Variants in RNF150 observed in about 807,000 individuals in gnomAD.
RNF150 encodes ring finger protein 150.
RNF150 carries 24 observed loss-of-function variants against 39.3 expected under a neutral mutation model. The ratio of observed to expected loss-of-function variants is 0.61; its 90% CI spans 0.44 to 0.86. The LOEUF is 0.86. Among genes scored for constraint, RNF150 ranks in the 40% least tolerant of loss-of-function variants. The probability of loss-of-function intolerance (pLI) is 0.00; values close to 1 mark genes in which losing one functional copy is unlikely to be tolerated. For missense variants in RNF150, 502 were observed against 587.8 expected, an observed-to-expected ratio of 0.85 and a Z score of 1.51; for synonymous variants, 255 against 227.3, an observed-to-expected ratio of 1.12 and a Z score of -1.10.
At chr4:141,177,369 G>A (rs1727831247) in intron 1 of RNF150, among the ~76,000 whole-genome samples, 1 of 152,172 alleles carries the variant, frequency 6.6e-6, no homozygotes, top group African/African-American at 2.4e-5. Flanking sequence ...GGGTTTGGCA[G>A]CGTGCCAGAA....
chr4:140,912,464 G>T (rs747825422), intron 5 of RNF150, among the ~76,000 whole-genome samples: 2 of 152,162 alleles, frequency 1.3e-5, no homozygotes, highest in Non-Finnish European at 2.9e-5. Flanking sequence ...TAGGGGAGGA[G>T]AACTCTGGAT....
At chr4:141,189,618 G>A (rs1728070563) in intron 1 of RNF150, among the ~76,000 whole-genome samples, 1 of 152,150 alleles carries the variant, frequency 6.6e-6, no homozygotes, top group African/African-American at 2.4e-5. Flanking sequence ...AATCTAGAGA[G>A]GCAGTCTGGC....
intron 6 of RNF150, among the ~76,000 whole-genome samples, chr4:140,871,794 T>C (rs1164511232): frequency 1.3e-5 from 2 of 152,230 alleles, no homozygotes; most frequent in Non-Finnish European, 1.5e-5. Flanking sequence ...CCTTGGTTTT[T>C]TCTAAATGGG....
At chr4:140,872,330 C>T (rs1271196928) in intron 6 of RNF150, among the ~76,000 whole-genome samples, 1 of 152,190 alleles carries the variant, frequency 6.6e-6, no homozygotes, top group Non-Finnish European at 1.5e-5. Flanking sequence ...TACAACCACT[C>T]TTTGATGTAG....
At chr4:141,161,145 A>C (rs933635205) in intron 1 of RNF150, among the ~76,000 whole-genome samples, 2 of 152,198 alleles carry the variant, frequency 1.3e-5, no homozygotes, top group African/African-American at 4.8e-5. Flanking sequence ...TGATATAGAC[A>C]TTAAAGTCCT....
At chr4:140,988,169 T>A (rs544071446) in intron 1 of RNF150, among the ~76,000 whole-genome samples, 1 of 152,300 alleles carries the variant, frequency 6.6e-6, no homozygotes, top group African/African-American at 2.4e-5. Flanking sequence ...GTAAATTAGT[T>A]CAGCCACTGT....
At chr4:140,961,138 C>A (rs184481439) in intron 2 of RNF150, among the ~76,000 whole-genome samples, 2 of 152,162 alleles carry the variant, frequency 1.3e-5, no homozygotes, top group Admixed American at 1.3e-4. Context: ...GGCACACCAG[C>A]CAAATCTTCT....
At chr4:141,010,693 T>C (rs1735043924) in intron 1 of RNF150, among the ~76,000 whole-genome samples, 1 of 151,996 alleles carries the variant, frequency 6.6e-6, no homozygotes, top group Non-Finnish European at 1.5e-5. Flanking sequence ...GCCCAGACCA[T>C]ACATCAAAGT....
At chr4:141,176,534 C>A (rs1332893941) in intron 1 of RNF150, among the ~76,000 whole-genome samples, 2 of 152,114 alleles carry the variant, frequency 1.3e-5, no homozygotes, top group African/African-American at 4.8e-5. Flanking sequence ...CAATAAAGCA[C>A]AAAGCAGGTA....
At chr4:141,145,458 G>T (rs1212309173) in intron 1 of RNF150, among the ~76,000 whole-genome samples, 9 of 152,168 alleles carry the variant, frequency 5.9e-5, no homozygotes, top group Admixed American at 5.2e-4. Flanking sequence ...GATCTCAACA[G>T]GCTCTATAAC....
At chr4:141,191,451 A>G (rs1172648903) in intron 1 of RNF150, among the ~76,000 whole-genome samples, 3 of 152,182 alleles carry the variant, frequency 2.0e-5, no homozygotes, top group Non-Finnish European at 4.4e-5. Flanking sequence ...GAAACTTTAA[A>G]TGATGCAATC....
chr4:141,209,836 T>C lies in RNF150; in HGVS notation c.-6+2958A>G, dbSNP rs72935043. On this transcript the variant is annotated intron_variant, in intron 1 of 7. Transcript: ENST00000420921. ...GCCTGGGCAATATAGCAAGACCCCATCCCTAAAAGACAAAAAAGAACCCTA... is the reference window on the plus strand; with the variant it reads ...GCCTGGGCAATATAGCAAGACCCCACCCCTAAAAGACAAAAAAGAACCCTA... Among the ~76,000 whole-genome samples, 809 of 152,106 alleles carry C rather than the reference T, an allele frequency of 5.3e-3. 11 individuals are homozygous for C. The highest frequency in any genetic ancestry group is 0.018 in the African/African-American group (740 of 41,466).
In RNF150 at chr4:140,861,251, A is replaced by C. The variant is rs1472009704; in HGVS notation, c.*7010T>G. The C allele has an allele frequency of 1.3e-5, 2 of 152,216 alleles. No individual in the cohort carries two copies. The highest frequency in any genetic ancestry group is 2.9e-5 in the Non-Finnish European group (2 of 68,038). 9.4% of individuals were successfully genotyped at this position (152,216 alleles called of 1,614,324 possible). ...TAAAGTTGAGATAACTTACAAAAAC[A>C]AGCAGTCCCTTGCTTATAACTGCAC... is the stretch of plus-strand genomic sequence containing the variant. On this transcript the variant is annotated 3_prime_UTR_variant, in exon 7 of 7. Transcript: ENST00000515673.
chr4:140,960,875 A>C (rs1273847901), intron 2 of RNF150, among the ~76,000 whole-genome samples: 1 of 152,084 alleles, frequency 6.6e-6, no homozygotes, highest in Non-Finnish European at 1.5e-5. Context: ...TTATCCACTA[A>C]ACGTGACCCA....
At chr4:140,947,407 T>C (rs1732360716) in intron 4 of RNF150, among the ~76,000 whole-genome samples, 1 of 152,194 alleles carries the variant, frequency 6.6e-6, no homozygotes, top group African/African-American at 2.4e-5. Flanking sequence ...GAAGTCCTAG[T>C]TCATAGCAGT....
intron 6 of RNF150, among the ~76,000 whole-genome samples, chr4:140,888,303 G>A (rs1729647010): frequency 6.6e-6 from 1 of 152,144 alleles, no homozygotes; most frequent in Non-Finnish European, 1.5e-5. Flanking sequence ...CCCGGAGCCT[G>A]GGTTGATGTC....
chr4:141,087,761 A>G (rs540089833), intron 1 of RNF150, among the ~76,000 whole-genome samples: 1 of 152,278 alleles, frequency 6.6e-6, no homozygotes, highest in African/African-American at 2.4e-5. Flanking sequence ...TCCTCACCCA[A>G]CATAAGTTGG....
At chr4:141,084,943 T>A (rs896023362) in intron 1 of RNF150, among the ~76,000 whole-genome samples, 1 of 152,162 alleles carries the variant, frequency 6.6e-6, no homozygotes, top group Non-Finnish European at 1.5e-5. Flanking sequence ...CAATATAATA[T>A]GGCAAAGTGA....
intron 1 of RNF150, among the ~76,000 whole-genome samples, chr4:141,151,828 A>T (rs1479559130): frequency 6.6e-6 from 1 of 152,218 alleles, no homozygotes; most frequent in Non-Finnish European, 1.5e-5. Flanking sequence ...ATGTGTTCCC[A>T]TGATAAAATA....
Sources: gnomAD v4.1 joint callset for allele counts (sites outside exome capture counted in the v4.1 genomes callset) on GRCh38, gnomAD v4.1.1 for gene constraint, MANE v1.5 for transcripts, NCBI Gene and HGNC (gene_info 2026-07-23, HGNC 2026-07-21) for gene names.